The following MAGOHB variants were observed in gnomAD, a reference collection of about 807,000 sequenced individuals.
MAGOHB encodes mago homolog B, exon junction complex subunit, also known as protein mago nashi homolog 2.
A neutral mutation model predicts 20.9 loss-of-function variants in MAGOHB; 15 were observed. The ratio of observed to expected loss-of-function variants is 0.72; its 90% CI spans 0.48 to 1.11. The LOEUF (loss-of-function observed/expected upper bound fraction) is 1.11. Ranked by LOEUF, MAGOHB falls within the 50% of genes least tolerant of loss-of-function variation. The pLI, the probability that MAGOHB is intolerant of heterozygous loss-of-function variation, is 0.00. For synonymous variants in MAGOHB, 50 were observed against 57.9 expected (o/e 0.86, Z 0.62); for missense variants, 162 against 177.6 (o/e 0.91, Z 0.50).
chr12:10,599,981 T>C (rs16921945), downstream of MAGOHB, among the ~76,000 whole-genome samples: 620 of 152,326 alleles, frequency 4.1e-3, 3 homozygotes, highest in African/African-American at 0.014. Context: ...AGTGTAATGA[T>C]TGAACTACTT....
At chr12:10,608,015 C>T (rs752357319) in intron 3 of MAGOHB, 79 bp from the exon 4 acceptor site, 74 of 840,362 alleles carry the variant, frequency 8.8e-5, no homozygotes, top group Non-Finnish European at 1.3e-4. Context: ...CAAGCAGATC[C>T]CAATTTTAGT....
intron 3 of MAGOHB, chr12:10,609,512 CAT>C (rs992698991): frequency 1.0e-5 from 4 of 386,650 alleles, no homozygotes; most frequent in Non-Finnish European, 2.0e-5. Context: ...ATAAATTTTA[CAT>C]AGTCATATTC....
chr12:10,611,771 A>AAAAAAAG (rs1555146555), intron 1 of MAGOHB, among the ~76,000 whole-genome samples: 110 of 93,034 alleles, frequency 1.2e-3, no homozygotes, highest in African/African-American at 2.6e-3. Flanking sequence ...AAAAAAAAAA[A>AAAAAAAG]AAAAGAAAAG....
At chr12:10,611,371 T>A (rs965388002) in intron 1 of MAGOHB, among the ~76,000 whole-genome samples, 1 of 152,168 alleles carries the variant, frequency 6.6e-6, no homozygotes, top group African/African-American at 2.4e-5. Context: ...ATCTGATGTA[T>A]GCTTCCCCTT....
In MAGOHB at chr12:10,611,121, C is replaced by T. The variant is rs755874361; in HGVS notation, c.95-441G>A. ...TAGGAGAGAAAACAAAGTTAAGTAA[C>T]TTAACCAGGGTCACACAAGATTCAG... On this transcript the variant is annotated intron_variant, in intron 1 of 4. Coordinates refer to ENST00000320756, the MANE Select transcript of MAGOHB (RefSeq NM_018048.5). Among the ~76,000 whole-genome samples the T allele has an allele frequency of 2.0e-5, 3 of 152,170 alleles. No individual in the cohort carries two copies. In the South Asian group the frequency reaches 6.2e-4, roughly 32 times the overall value.
At chr12:10,609,988 C>G in intron 2 of MAGOHB, 47 bp from the exon 3 acceptor site, 1 of 1,043,008 alleles carries the variant, frequency 9.6e-7, no homozygotes, top group Non-Finnish European at 1.4e-6. Context: ...CCTATGTCAC[C>G]CCTCAACTCA....
chr12:10,611,747 CA>C (rs1042294332), intron 1 of MAGOHB, among the ~76,000 whole-genome samples: 66 of 27,696 alleles, frequency 2.4e-3, no homozygotes, highest in East Asian at 9.4e-3. Flanking sequence ...GACTCTGTCT[CA>C]AAAAAAAAAA....
At chr12:10,609,802 A>G (rs769485103) in intron 3 of MAGOHB, 29 bp downstream of exon 3, 51 of 1,327,780 alleles carry the variant, frequency 3.8e-5, no homozygotes, top group Non-Finnish European at 4.8e-5. Context: ...TTTAATATTT[A>G]TACACTTAAA....
At position 10,608,586 on chromosome 12, in the gene MAGOHB, A is replaced by G. The variant is rs550933213; in HGVS notation, c.265-650T>C. On this transcript the variant is annotated intron_variant, in intron 3 of 4. Coordinates refer to ENST00000320756, the MANE Select transcript of MAGOHB (RefSeq NM_018048.5). ...AACTAATACTCCACAAAATAACTAA[A>G]ATTAAGAACTAGTAAAAAAAAAAAA... 10 of 146,748 alleles carry G rather than the reference A, an allele frequency of 6.8e-5. No homozygotes were observed. In the Admixed American group the frequency reaches 7.0e-4, roughly 10 times the overall value. The allele number at this position is 146,748 out of a possible 1,614,324, so 9.1% of individuals were successfully genotyped here.
downstream of MAGOHB, among the ~76,000 whole-genome samples, chr12:10,601,468 A>G (rs1241314691): frequency 6.6e-6 from 1 of 152,228 alleles, no homozygotes; most frequent in Non-Finnish European, 1.5e-5. Flanking sequence ...GCCACAAAGC[A>G]TGAATCCTGG....
At chr12:10,610,367 A>C (rs1188989592) in intron 2 of MAGOHB, among the ~76,000 whole-genome samples, 1 of 152,154 alleles carries the variant, frequency 6.6e-6, no homozygotes, top group East Asian at 1.9e-4. Flanking sequence ...TAACAGAGCG[A>C]GACTCTGTCC....
downstream of MAGOHB, among the ~76,000 whole-genome samples, chr12:10,600,190 G>C (rs955902016): frequency 2.0e-5 from 3 of 151,474 alleles, no homozygotes; most frequent in Non-Finnish European, 4.4e-5. Flanking sequence ...TTACTATCAA[G>C]GTTGGTATCA....
At chr12:10,603,275 C>G (rs1865571059), downstream of MAGOHB, among the ~76,000 whole-genome samples, 5 of 145,384 alleles carry the variant, frequency 3.4e-5, no homozygotes, top group Admixed American at 3.5e-4. Context: ...GATCGCGCCG[C>G]TGCACTCCAG....
intron 1 of MAGOHB, among the ~76,000 whole-genome samples, chr12:10,611,090 T>TATTC (rs1355718638): frequency 1.2e-4 from 18 of 152,210 alleles, no homozygotes; most frequent in African/African-American, 4.1e-4. Context: ...TTCTCTCACC[T>TATTC]ATTCATAGGA....
chr12:10,612,963 G>C (rs1796235395), intron 1 of MAGOHB: 1 of 1,288,478 alleles, frequency 7.8e-7, no homozygotes, highest in South Asian at 1.2e-5. Flanking sequence ...CTCTTGCTTG[G>C]TACTCTTCAT....
At chr12:10,601,645 T>A (rs1353061998), downstream of MAGOHB, among the ~76,000 whole-genome samples, 1 of 152,190 alleles carries the variant, frequency 6.6e-6, no homozygotes, top group Non-Finnish European at 1.5e-5. Context: ...TCTCAAAGTG[T>A]CTAACTACAA....
At chr12:10,609,655 T>C (rs1591664231) in intron 3 of MAGOHB, 176 bp downstream of exon 3, 2 of 585,172 alleles carry the variant, frequency 3.4e-6, no homozygotes, top group Non-Finnish European at 6.0e-6. Flanking sequence ...CCTTCACTAC[T>C]AGGAGGTAGC....
downstream of MAGOHB, among the ~76,000 whole-genome samples, chr12:10,602,947 A>C (rs1289283494): frequency 6.6e-6 from 1 of 152,168 alleles, no homozygotes; most frequent in African/African-American, 2.4e-5. Flanking sequence ...GGTCTGAATC[A>C]CTTCACTGGG....
At chr12:10,599,899 GTACTT>G (rs1041947184), downstream of MAGOHB, among the ~76,000 whole-genome samples, 3 of 151,970 alleles carry the variant, frequency 2.0e-5, no homozygotes, top group Non-Finnish European at 4.4e-5. Flanking sequence ...AAAAACTAAC[GTACTT>G]TAGAGAAACT....
Sources: allele counts gnomAD v4.1 joint callset (sites outside exome capture counted in the v4.1 genomes callset), GRCh38; gene constraint gnomAD v4.1.1; transcripts MANE v1.5; gene names NCBI Gene and HGNC (gene_info 2026-07-23, HGNC 2026-07-21).